CLYBL: variants seen among roughly 807,000 people sequenced by gnomAD.
CLYBL encodes citramalyl-CoA lyase, also known as citramalyl-CoA lyase, mitochondrial.
Under a neutral mutation model 38.9 loss-of-function variants are expected in CLYBL, and 31 were observed. That is an observed-to-expected ratio of 0.80 (90% confidence interval 0.60 to 1.08). The LOEUF is 1.08. Among genes scored for constraint, CLYBL ranks in the 50% least tolerant of loss-of-function variants. The pLI is 0.00. For missense variants in CLYBL, 434 were observed against 411.6 expected (o/e 1.05, Z -0.47); for synonymous variants, 171 against 158.6 (o/e 1.08, Z -0.59).
In CLYBL at chr13:99,869,375, T is replaced by C. The variant is rs2051828645; in HGVS notation, c.803-1563T>C. Reference sequence around the variant, plus strand: ...GGGCTAACAATTAGGAGGAAATGACTACCAGAACTGACATCCTTTATTAAC... The same window carrying C: ...GGGCTAACAATTAGGAGGAAATGACCACCAGAACTGACATCCTTTATTAAC... On this transcript the variant is annotated intron_variant, in intron 6 of 8. Transcript: ENST00000339105. The surrounding 1 kb of genome is among the most constrained non-coding windows in gnomAD (Gnocchi z 4.3). Among the ~76,000 whole-genome samples, 1 of 152,172 alleles carries C rather than the reference T, an allele frequency of 6.6e-6. No homozygotes were observed.
intron 2 of CLYBL, among the ~76,000 whole-genome samples, chr13:99,778,242 C>G (rs979376107): frequency 6.6e-6 from 1 of 152,106 alleles, no homozygotes; most frequent in Admixed American, 6.6e-5. Context: ...ACCTCTTAAT[C>G]ATGTTTCTTA....
At chr13:99,620,338 A>G (rs1343215021) in intron 1 of CLYBL, among the ~76,000 whole-genome samples, 1 of 152,182 alleles carries the variant, frequency 6.6e-6, no homozygotes, top group Non-Finnish European at 1.5e-5. Context: ...GCTGGCTTGC[A>G]AATGCCCAGA....
intron 2 of CLYBL, among the ~76,000 whole-genome samples, chr13:99,841,806 CTTTT>C (rs201258240): frequency 0.018 from 2,470 of 134,874 alleles, 36 homozygotes; most frequent in African/African-American, 0.054. Context: ...CTTTTCTTTT[CTTTT>C]CCTTTTTTTT....
At chr13:99,851,238 A>T (rs2051321655) in intron 2 of CLYBL, among the ~76,000 whole-genome samples, 1 of 151,942 alleles carries the variant, frequency 6.6e-6, no homozygotes, top group African/African-American at 2.4e-5. Context: ...GTGGTGGTGG[A>T]TGCCTGTAAT....
At chr13:99,813,258 T>C (rs2050377614) in intron 2 of CLYBL, among the ~76,000 whole-genome samples, 1 of 152,224 alleles carries the variant, frequency 6.6e-6, no homozygotes, top group Admixed American at 6.5e-5. Flanking sequence ...TCCAGTGGAA[T>C]GCAAACATGA....
intron 1 of CLYBL, among the ~76,000 whole-genome samples, chr13:99,659,611 A>G (rs1384372013): frequency 6.6e-6 from 1 of 152,240 alleles, no homozygotes; most frequent in Non-Finnish European, 1.5e-5. Flanking sequence ...TAATGATGCC[A>G]GGAATACTAT....
intron 1 of CLYBL, among the ~76,000 whole-genome samples, chr13:99,703,252 C>T (rs1416888480): frequency 6.6e-6 from 1 of 152,246 alleles, no homozygotes; most frequent in Non-Finnish European, 1.5e-5. Flanking sequence ...CCACCATCTC[C>T]ATTGTCCCTT....
intron 1 of CLYBL, among the ~76,000 whole-genome samples, chr13:99,677,888 A>G (rs1184361218): frequency 6.6e-6 from 1 of 152,260 alleles, no homozygotes; most frequent in Non-Finnish European, 1.5e-5. Flanking sequence ...ATAAAGAACT[A>G]TCAGAAATCC....
chr13:99,825,490 G>C (rs1247605375), intron 2 of CLYBL, among the ~76,000 whole-genome samples: 1 of 152,096 alleles, frequency 6.6e-6, no homozygotes, highest in Non-Finnish European at 1.5e-5. Flanking sequence ...TTCCCCTTTG[G>C]CTTAGTCCCC....
chr13:99,901,659 T>G (rs1359520664), downstream of CLYBL, among the ~76,000 whole-genome samples: 1 of 63,390 alleles, frequency 1.6e-5, no homozygotes, highest in South Asian at 6.4e-4. Context: ...TTTTTTTTTG[T>G]TTGTTTGTTT....
intron 1 of CLYBL, among the ~76,000 whole-genome samples, chr13:99,678,228 A>G (rs1168746769): frequency 2.6e-5 from 4 of 152,206 alleles, no homozygotes; most frequent in African/African-American, 9.6e-5. Context: ...GGTCTGCTCT[A>G]ACATCTGCAC....
intron 1 of CLYBL, among the ~76,000 whole-genome samples, chr13:99,702,007 A>G (rs1005305416): frequency 6.6e-6 from 1 of 152,200 alleles, no homozygotes; most frequent in Admixed American, 6.5e-5. Context: ...AGCAGCCAAC[A>G]TTCAAACCCA....
chr13:99,709,746 T>C (rs2048198618), intron 1 of CLYBL, among the ~76,000 whole-genome samples: 1 of 152,054 alleles, frequency 6.6e-6, no homozygotes, highest in African/African-American at 2.4e-5. Flanking sequence ...CTCCCAAACT[T>C]TCGATGAGGA....
intron 1 of CLYBL, among the ~76,000 whole-genome samples, chr13:99,699,800 T>C (rs576325050): frequency 6.6e-6 from 1 of 151,456 alleles, no homozygotes; most frequent in South Asian, 2.1e-4. Flanking sequence ...GAGACCATCC[T>C]GGCTAACAAG....
chr13:99,825,802 A>G (rs141381418), intron 2 of CLYBL, among the ~76,000 whole-genome samples: 6 of 152,342 alleles, frequency 3.9e-5, no homozygotes, highest in Admixed American at 6.5e-5. Context: ...CCGTGATTGT[A>G]GTAAGTCCCT....
rs534337192 is a variant in CLYBL at position 99,674,340 on chromosome 13, CAG to C, written c.62+67584_62+67585del. 1.1e-4 allele frequency among the ~76,000 whole-genome samples: 16 copies of C among 151,620 alleles called. No individual in the cohort carries two copies. In the South Asian group the frequency reaches 2.5e-3, roughly 24 times the overall value. ...CTAATTTTTGTATTTTTAATAAAGA[CAG>C]GGGTTCACCATGTTGGCCAGGCTGG... On this transcript the variant is annotated intron_variant, in intron 1 of 8. Coordinates refer to ENST00000339105, the MANE Select transcript of CLYBL (RefSeq NM_206808.5).
intron 1 of CLYBL, among the ~76,000 whole-genome samples, chr13:99,649,932 T>C (rs543842456): frequency 2.7e-5 from 4 of 150,518 alleles, no homozygotes; most frequent in South Asian, 4.2e-4. Flanking sequence ...GCCTGAGCAA[T>C]ATAGCAAGAC....
rs566579158 is a variant in CLYBL at position 99,614,583 on chromosome 13, G to T, written c.62+7826G>T. The stretch of plus-strand genomic sequence containing the variant: ...CCGGGCAGGTGTAGCTGCGAGGGAG[G>T]TCTCTGCCAACAACTCAGCTGTGCC... On this transcript the variant is annotated intron_variant, in intron 1 of 8. Coordinates refer to ENST00000339105, the MANE Select transcript of CLYBL (RefSeq NM_206808.5). Among the ~76,000 whole-genome samples the T allele has an allele frequency of 4.6e-5, 7 of 152,254 alleles. No individual in the cohort carries two copies. The South Asian group carries it at 1.5e-3, about 32-fold the overall frequency.
intron 7 of CLYBL, among the ~76,000 whole-genome samples, chr13:99,872,477 T>C (rs1341464668): frequency 1.3e-5 from 2 of 152,228 alleles, no homozygotes; most frequent in Non-Finnish European, 2.9e-5. Context: ...CTCATTCACA[T>C]GTCCATCCAT....
Sources: allele counts gnomAD v4.1 joint callset (sites outside exome capture counted in the v4.1 genomes callset), GRCh38; gene constraint gnomAD v4.1.1; non-coding constraint Gnocchi (gnomAD v3.1); transcripts MANE v1.5; gene names NCBI Gene and HGNC (gene_info 2026-07-23, HGNC 2026-07-21).